The following WDR35 variants were observed in gnomAD, a reference collection of about 807,000 sequenced individuals.
WDR35 encodes the protein WD repeat domain 35, also known as WD repeat-containing protein 35.
In WDR35, 118 loss-of-function variants were observed where a neutral mutation model predicts 158.3. That is an observed-to-expected ratio of 0.75 (90% confidence interval 0.64 to 0.87). WDR35 has a LOEUF of 0.87. Among genes scored for constraint, WDR35 ranks in the 40% least tolerant of loss-of-function variants. The probability of loss-of-function intolerance (pLI) is 0.00; values close to 1 mark genes in which losing one functional copy is unlikely to be tolerated. For synonymous variants in WDR35, 448 were observed against 476.1 expected (o/e 0.94, Z 0.77); for missense variants, 1,263 against 1,405.8 (o/e 0.90, Z 1.62).
rs1364318282 is a variant in WDR35, at chr2:19,930,379, T to G, written c.3121+17A>C. The G allele has an allele frequency of 2.5e-5, 41 of 1,614,028 alleles. No homozygotes were observed. Among genetic ancestry groups the G allele is most frequent in the Non-Finnish European group, 3.5e-5 (41 of 1,180,010 alleles). On this transcript the variant is annotated intron_variant, in intron 25 of 26. Transcript: ENST00000281405. ...ATAATTTTCAGACATACTATACACATTAGGTGACATGCCCACCTGTCTTCA... is the reference window on the plus strand; with the variant it reads ...ATAATTTTCAGACATACTATACACAGTAGGTGACATGCCCACCTGTCTTCA...
chr2:19,939,484 T>C (rs1366437536), intron 17 of WDR35, among the ~76,000 whole-genome samples: 1 of 152,174 alleles, frequency 6.6e-6, no homozygotes, highest in Non-Finnish European at 1.5e-5. Context: ...AAATATTATC[T>C]AAAAGTCTAG....
At chr2:19,943,126 T>C (rs1670930629) in intron 16 of WDR35, among the ~76,000 whole-genome samples, 1 of 152,134 alleles carries the variant, frequency 6.6e-6, no homozygotes, top group Admixed American at 6.6e-5. Context: ...ACTGGACAAA[T>C]GGCTTAAAAA....
At chr2:19,930,596 C>T in intron 24 of WDR35, 44 bp from the exon 25 acceptor site, 1 of 1,612,276 alleles carries the variant, frequency 6.2e-7, no homozygotes, top group Non-Finnish European at 8.5e-7. Flanking sequence ...CACAAACGCA[C>T]ACACAGTGTC....
At chr2:19,918,907 T>C (rs1307788535) in intron 25 of WDR35, among the ~76,000 whole-genome samples, 1 of 152,186 alleles carries the variant, frequency 6.6e-6, no homozygotes, top group African/African-American at 2.4e-5. Flanking sequence ...TTAATAGACA[T>C]CTACGGAACT....
At chr2:19,962,209 T>C in intron 10 of WDR35, 1 of 1,443,380 alleles carries the variant, frequency 6.9e-7, no homozygotes. Context: ...AGTCCCCTCA[T>C]ATTGCTACAG....
chr2:19,950,947 T>G (rs563497939), intron 13 of WDR35, among the ~76,000 whole-genome samples: 13 of 152,338 alleles, frequency 8.5e-5, no homozygotes, highest in African/African-American at 2.9e-4. Flanking sequence ...CTTTAAATAC[T>G]CTGAGAAAAT....
At position 19,941,825 on chromosome 2, in the gene WDR35, G is replaced by T; in HGVS notation, c.1860C>A (p.Thr620=). ...RNLDPEEPIQ[T]SGYICNFEDL... ...CCTCAAAATTACAAATATATCCAGAGGTCTGAATGGGTTCCTTTAAAGACA... is the reference window on the plus strand; with the variant it reads ...CCTCAAAATTACAAATATATCCAGATGTCTGAATGGGTTCCTTTAAAGACA... Residue 620 remains threonine (T), a synonymous_variant, in exon 17 of 27, where the codon ACC becomes ACA. Coordinates refer to ENST00000281405, the MANE Select transcript of WDR35 (RefSeq NM_020779.4). 1 of 1,571,860 alleles carries T rather than the reference G, an allele frequency of 6.4e-7. No individual in the cohort carries two copies. Among genetic ancestry groups the T allele is most frequent in the Non-Finnish European group, 8.7e-7 (1 of 1,151,074 alleles).
At position 19,980,802 on chromosome 2, in the gene WDR35, AT is replaced by A; in HGVS notation, c.215-20del. On this transcript the variant is annotated intron_variant, in intron 3 of 26. Transcript: ENST00000281405. ...ACAGAACCTAGAACATTATAAAACA[AT>A]TTAGAAACTTAAAGGTTACAATTAA... 7 of 1,604,404 alleles carry A rather than the reference AT, an allele frequency of 4.4e-6. No homozygotes were observed. Among genetic ancestry groups the A allele is most frequent in the Non-Finnish European group, 6.0e-6 (7 of 1,171,712 alleles).
At chr2:19,983,985 A>G (rs1672468515) in intron 2 of WDR35, among the ~76,000 whole-genome samples, 1 of 148,498 alleles carries the variant, frequency 6.7e-6, no homozygotes, top group Admixed American at 6.7e-5. Flanking sequence ...TCTAGCACTG[A>G]AAAATCCATT....
chr2:19,967,383 T>A (rs1671891023), intron 9 of WDR35, among the ~76,000 whole-genome samples: 1 of 152,150 alleles, frequency 6.6e-6, no homozygotes, highest in Non-Finnish European at 1.5e-5. Context: ...ACCTGGCTTA[T>A]TTAAAACAAA....
rs1390358036 is a variant in WDR35, at chr2:19,975,583, A to G, written c.517T>C (p.Phe173Leu). The change falls in exon 6 of 27, where the codon TTT becomes CTT. Residue 173 changes from phenylalanine to leucine, a missense_variant. Transcript: ENST00000281405. The part of the protein sequence containing the change: ...TWSADSKVLL[F>L]GMANGEIHIY... ...TGTATTTCCCCATTTGCCATTCCAA[A>G]AAGTAAGACTTTACTGTCCGCAGAC... The G allele has an allele frequency of 6.2e-7, 1 of 1,614,118 alleles. No homozygotes were observed. Among genetic ancestry groups the G allele is most frequent in the Non-Finnish European group, 8.5e-7 (1 of 1,179,984 alleles).
chr2:19,953,179 A>G (rs1445428106), intron 12 of WDR35, among the ~76,000 whole-genome samples: 1 of 152,196 alleles, frequency 6.6e-6, no homozygotes, highest in Non-Finnish European at 1.5e-5. Flanking sequence ...GCAAACACAG[A>G]GTATCACTAA....
At chr2:19,938,960 A>G (rs995878011) in intron 17 of WDR35, among the ~76,000 whole-genome samples, 1 of 152,216 alleles carries the variant, frequency 6.6e-6, no homozygotes, top group Admixed American at 6.5e-5. Flanking sequence ...TTGCTGAATT[A>G]ATGAATAGAT....
At chr2:19,979,459 C>T (rs1381817) in intron 4 of WDR35, among the ~76,000 whole-genome samples, 12,317 of 152,094 alleles carry the variant, frequency 0.081, 706 homozygotes, top group South Asian at 0.2. Context: ...ATTAGTGACA[C>T]GACATCTCTA....
chr2:19,967,085 AAT>A (rs1386397988), intron 9 of WDR35, among the ~76,000 whole-genome samples, 176 bp from the exon 10 acceptor site: 1 of 152,244 alleles, frequency 6.6e-6, no homozygotes, highest in African/African-American at 2.4e-5. Context: ...TTATAAAAAT[AAT>A]AGAGATTTAT....
intron 10 of WDR35, among the ~76,000 whole-genome samples, chr2:19,962,985 T>C (rs945625062): frequency 6.6e-6 from 1 of 152,178 alleles, no homozygotes; most frequent in African/African-American, 2.4e-5. Flanking sequence ...CATTTCCTGC[T>C]CCCTTTACCG....
rs74977625 is a variant in WDR35 at position 19,962,121 on chromosome 2, T to C, written c.1195-1507A>G. 3.4e-3 allele frequency among the ~76,000 whole-genome samples: 517 copies of C among 152,370 alleles called. 4 individuals carry two copies. Among genetic ancestry groups the C allele is most frequent in the African/African-American group, 0.012 (481 of 41,594 alleles). On this transcript the variant is annotated intron_variant, in intron 10 of 26. Coordinates refer to ENST00000281405, the MANE Select transcript of WDR35 (RefSeq NM_020779.4). ...ATTGCTTACAAAAATGTCTTGACCT[T>C]GATGGAGCTTATGTTGAAAAATAAA...
chr2:19,965,372 G>A (rs776214685), intron 10 of WDR35, among the ~76,000 whole-genome samples: 2 of 152,162 alleles, frequency 1.3e-5, no homozygotes, highest in Non-Finnish European at 2.9e-5. Context: ...AAAGCTGTTC[G>A]GAACAGAGTT....
At chr2:19,953,546 T>C (rs1671317558) in intron 12 of WDR35, among the ~76,000 whole-genome samples, 1 of 152,170 alleles carries the variant, frequency 6.6e-6, no homozygotes, top group Admixed American at 6.5e-5. Flanking sequence ...CATATTTTAG[T>C]ATAGCATATT....
Sources: allele counts gnomAD v4.1 joint callset (sites outside exome capture counted in the v4.1 genomes callset), GRCh38; gene constraint gnomAD v4.1.1; transcripts MANE v1.5; gene names NCBI Gene and HGNC (gene_info 2026-07-23, HGNC 2026-07-21).